Variants in NREP observed in about 807,000 individuals in gnomAD.
The protein encoded by NREP is neuronal regeneration-related protein.
A neutral mutation model predicts 8.6 loss-of-function variants in NREP; 5 were observed. The observed-to-expected ratio is 0.58, with a 90% CI of 0.30 to 1.22. The LOEUF (loss-of-function observed/expected upper bound fraction) is 1.22. Ranked by LOEUF, NREP falls within the 50% of genes most tolerant of loss-of-function variation. NREP has a pLI of 0.07. For missense variants in NREP, 86 were observed against 82.5 expected (o/e 1.04, Z -0.17); for synonymous variants, 27 against 28.0 (o/e 0.96, Z 0.11).
At chr5:111,830,161 TG>T (rs987520411) in intron 2 of NREP, among the ~76,000 whole-genome samples, 20 of 151,624 alleles carry the variant, frequency 1.3e-4, no homozygotes, top group Admixed American at 3.9e-4. Flanking sequence ...CTGTTTTTTT[TG>T]TTGTTGTTGT....
chr5:111,806,363 A>T (rs1752140685), intron 2 of NREP, among the ~76,000 whole-genome samples: 1 of 152,084 alleles, frequency 6.6e-6, no homozygotes, highest in Non-Finnish European at 1.5e-5. Flanking sequence ...AGAAAACTGG[A>T]GATTCATGTG....
chr5:111,970,882 G>T (rs567809532), intron 2 of NREP, among the ~76,000 whole-genome samples: 5 of 148,608 alleles, frequency 3.4e-5, no homozygotes, highest in Non-Finnish European at 5.9e-5. Context: ...GCTGGCCAGA[G>T]CTCTCAAAAC....
At chr5:111,816,873 T>A (rs1001576400) in intron 2 of NREP, among the ~76,000 whole-genome samples, 3 of 151,610 alleles carry the variant, frequency 2.0e-5, no homozygotes, top group African/African-American at 7.3e-5. Flanking sequence ...CAACCAAAAA[T>A]TTGAAAGTAA....
At chr5:111,752,153 T>TATG (rs1222414195) in intron 2 of NREP, among the ~76,000 whole-genome samples, 1 of 152,242 alleles carries the variant, frequency 6.6e-6, no homozygotes, top group African/African-American at 2.4e-5. Flanking sequence ...TCAATGTATT[T>TATG]ATGATGATGA....
chr5:111,892,494 A>T (rs974935577), intron 2 of NREP, among the ~76,000 whole-genome samples: 17 of 152,232 alleles, frequency 1.1e-4, no homozygotes, highest in African/African-American at 4.1e-4. Context: ...TTATATGATC[A>T]TCTAAACAAT....
At position 111,888,132 on chromosome 5, in the gene NREP, G is replaced by A. The variant is rs117786934; in HGVS notation, c.135+87142C>T. Among the ~76,000 whole-genome samples the A allele has an allele frequency of 8.0e-4, 122 of 152,294 alleles. 1 individual carries two copies. In the East Asian group the frequency reaches 0.02, roughly 25 times the overall value. ...GCAAGGGGCTTTTGGGTCTAGAAATGCTGTCATGCTTTTAGGTTGGAAGTC... is the reference window on the plus strand; with the variant it reads ...GCAAGGGGCTTTTGGGTCTAGAAATACTGTCATGCTTTTAGGTTGGAAGTC... On this transcript the variant is annotated intron_variant, in intron 2 of 3. Transcript: ENST00000395634.
In NREP at chr5:111,730,884, C is replaced by G. The variant is rs1221360751; in HGVS notation, c.*37G>C. On this transcript the variant is annotated 3_prime_UTR_variant, in exon 4 of 4. Transcript: ENST00000257435. ...TATGATACCATGACCTCATCAATAC[C>G]CATACACCATATGTAATACAAATGG... 1 of 1,611,312 alleles carries G rather than the reference C, an allele frequency of 6.2e-7. No individual in the cohort carries two copies. The highest frequency in any genetic ancestry group is 2.2e-5 in the East Asian group (1 of 44,834).
intron 2 of NREP, among the ~76,000 whole-genome samples, chr5:111,832,000 T>TA (rs1430824278): frequency 6.6e-6 from 1 of 152,168 alleles, no homozygotes; most frequent in African/African-American, 2.4e-5. Flanking sequence ...ATGAGTGTTA[T>TA]AAGAACGCTT....
At chr5:111,914,466 C>G (rs1321031912) in intron 2 of NREP, among the ~76,000 whole-genome samples, 2 of 152,128 alleles carry the variant, frequency 1.3e-5, no homozygotes, top group Non-Finnish European at 2.9e-5. Context: ...CTTCCTCCTT[C>G]CTTTGTTCTC....
At chr5:111,966,513 CTGTT>C (rs1212906503) in intron 2 of NREP, among the ~76,000 whole-genome samples, 1 of 152,120 alleles carries the variant, frequency 6.6e-6, no homozygotes, top group African/African-American at 2.4e-5. Context: ...TCTCTTGCTG[CTGTT>C]TATTACTACC....
intron 2 of NREP, among the ~76,000 whole-genome samples, chr5:111,789,488 A>G (rs1320951982): frequency 6.6e-6 from 1 of 152,224 alleles, no homozygotes; most frequent in Non-Finnish European, 1.5e-5. Context: ...TGATAGACTT[A>G]TCTTTGACAA....
intron 2 of NREP, among the ~76,000 whole-genome samples, chr5:111,857,262 G>A (rs924390693): frequency 1.3e-5 from 2 of 152,180 alleles, no homozygotes; most frequent in African/African-American, 4.8e-5. Context: ...GTTTATCTGA[G>A]CAGGAAGTAG....
chr5:111,855,049 G>T (rs570807833), intron 2 of NREP, among the ~76,000 whole-genome samples: 2 of 152,108 alleles, frequency 1.3e-5, no homozygotes, highest in African/African-American at 4.8e-5. Context: ...ATGCCTCATG[G>T]TGAATGAGTG....
chr5:111,748,692 G>C (rs1272778390), intron 2 of NREP, among the ~76,000 whole-genome samples: 2 of 152,038 alleles, frequency 1.3e-5, no homozygotes, highest in African/African-American at 4.8e-5. Context: ...TTTCATTACT[G>C]AAAGTTCTCT....
At chr5:111,894,566 G>A (rs1160078615) in intron 2 of NREP, among the ~76,000 whole-genome samples, 3 of 152,036 alleles carry the variant, frequency 2.0e-5, no homozygotes, top group African/African-American at 7.3e-5. Flanking sequence ...TGGAAAAACA[G>A]CAGCTTTCCA....
intron 2 of NREP, among the ~76,000 whole-genome samples, chr5:111,798,117 A>G (rs1030628536): frequency 6.6e-5 from 10 of 152,216 alleles, no homozygotes; most frequent in African/African-American, 2.4e-4. Context: ...ACCTGTTATA[A>G]TAATAGTTGT....
At chr5:111,910,757 G>A (rs56266887) in intron 2 of NREP, among the ~76,000 whole-genome samples, 3,049 of 152,156 alleles carry the variant, frequency 0.02, 50 homozygotes, top group Non-Finnish European at 0.028. Context: ...CCAAAAGGAA[G>A]CCCTGTGATA....
intron 2 of NREP, among the ~76,000 whole-genome samples, chr5:111,881,203 C>G (rs1370470106): frequency 6.7e-6 from 1 of 150,054 alleles, no homozygotes; most frequent in Non-Finnish European, 1.5e-5. Context: ...GGGTCCTACA[C>G]CCACGGAGTC....
At chr5:111,932,948 T>A (rs1325937022) in intron 2 of NREP, among the ~76,000 whole-genome samples, 2 of 151,926 alleles carry the variant, frequency 1.3e-5, no homozygotes, top group Non-Finnish European at 2.9e-5. Context: ...CCAGACAAGG[T>A]CCCATAAAGG....
Sources: gnomAD v4.1 joint callset for allele counts (sites outside exome capture counted in the v4.1 genomes callset) on GRCh38, gnomAD v4.1.1 for gene constraint, MANE v1.5 for transcripts, NCBI Gene and HGNC (gene_info 2026-07-23, HGNC 2026-07-21) for gene names.